Variants in COA1 observed in about 807,000 individuals in gnomAD.
The protein encoded by COA1 is cytochrome c oxidase assembly factor 1.
Under a neutral mutation model 16.0 loss-of-function variants are expected in COA1, and 13 were observed. That is an observed-to-expected ratio of 0.81 (90% CI 0.53 to 1.29). The LOEUF (loss-of-function observed/expected upper bound fraction) is 1.29, where lower values mean the gene tolerates loss of function less well. Ranked by LOEUF, COA1 falls within the 50% of genes most tolerant of loss-of-function variation. The pLI is 0.00. For synonymous variants in COA1, 65 were observed against 65.7 expected (o/e 0.99, Z 0.05); for missense variants, 179 against 177.0 (o/e 1.01, Z -0.06).
intron 1 of COA1, among the ~76,000 whole-genome samples, chr7:43,656,832 A>C (rs1422859453): frequency 6.6e-6 from 1 of 152,164 alleles, no homozygotes; most frequent in Non-Finnish European, 1.5e-5. Context: ...AAAGAAAAGA[A>C]AAGAAAAGAA....
At chr7:43,646,457 A>T (rs2089323265) in intron 3 of COA1, 1 of 423,878 alleles carries the variant, frequency 2.4e-6, no homozygotes, top group South Asian at 1.6e-5. Flanking sequence ...AAGGTAACTA[A>T]TGCCCAGAAA....
chr7:43,716,620 A>T (rs185590397), intron 1 of COA1, among the ~76,000 whole-genome samples: 2 of 152,362 alleles, frequency 1.3e-5, no homozygotes, highest in Admixed American at 1.3e-4. Flanking sequence ...GTGATAGGAA[A>T]GAAAAGCCCA....
chr7:43,612,034 G>A (rs1239794842), intron 6 of COA1, among the ~76,000 whole-genome samples: 1 of 152,172 alleles, frequency 6.6e-6, no homozygotes, highest in Non-Finnish European at 1.5e-5. Flanking sequence ...ATTTACACAA[G>A]GAAATTATAT....
intron 6 of COA1, among the ~76,000 whole-genome samples, chr7:43,633,623 CAA>C (rs906913272): frequency 4.0e-4 from 61 of 152,098 alleles, no homozygotes; most frequent in African/African-American, 1.4e-3. Flanking sequence ...GACACAGACA[CAA>C]AGTGAGCACA....
intron 1 of COA1, among the ~76,000 whole-genome samples, chr7:43,694,000 T>C (rs1335010361): frequency 6.6e-6 from 1 of 151,674 alleles, no homozygotes; most frequent in East Asian, 1.9e-4. Context: ...GCTCAGCAGA[T>C]GATCTTGCTT....
At chr7:43,647,372 G>A in intron 3 of COA1, 163 bp downstream of exon 3, 1 of 628,860 alleles carries the variant, frequency 1.6e-6, no homozygotes, top group South Asian at 1.9e-5. Context: ...GAGATTACAG[G>A]ATACAGAGGA....
chr7:43,659,260 T>C (rs1290773259), intron 1 of COA1: 3 of 152,234 alleles, frequency 2.0e-5, no homozygotes, highest in Non-Finnish European at 4.4e-5. Flanking sequence ...GAGTGATTTC[T>C]GAATTTATCA....
chr7:43,631,724 C>T (rs942408391), intron 6 of COA1: 1 of 152,192 alleles, frequency 6.6e-6, no homozygotes, highest in African/African-American at 2.4e-5. Context: ...TTGGGTTTCA[C>T]TCAGCTTCTT....
intron 1 of COA1, among the ~76,000 whole-genome samples, chr7:43,650,965 G>C (rs1362120075): frequency 6.6e-6 from 1 of 152,114 alleles, no homozygotes; most frequent in African/African-American, 2.4e-5. Flanking sequence ...GCAGGAAATG[G>C]GTTCAGGGGT....
At chr7:43,637,427 C>G (rs1490268400), downstream of COA1, among the ~76,000 whole-genome samples, 2 of 152,168 alleles carry the variant, frequency 1.3e-5, no homozygotes, top group Non-Finnish European at 2.9e-5. Flanking sequence ...ACCCCTTTCT[C>G]TGGTCTCTGG....
At chr7:43,661,993 T>G (rs2092477071) in intron 1 of COA1, among the ~76,000 whole-genome samples, 2 of 152,226 alleles carry the variant, frequency 1.3e-5, no homozygotes, top group Admixed American at 1.3e-4. Context: ...CAAGGCATGG[T>G]ATTTCAAAAT....
At position 43,630,990 on chromosome 7, in the gene COA1, G is replaced by A. The variant is rs2085120931; in HGVS notation, c.*133+8459C>T. ...CCACTACCAATTTAGAAAACTCAAG[G>A]AGGAAAGTCTATTGTATTTACCCAT... On this transcript the variant is annotated intron_variant and NMD_transcript_variant, in intron 6 of 6. Transcript: ENST00000415076. Among the ~76,000 whole-genome samples, 11 of 152,194 alleles carry A rather than the reference G, an allele frequency of 7.2e-5. 1 individual carries two copies. The South Asian group carries it at 2.3e-3, about 32-fold the overall frequency.
chr7:43,714,561 A>T (rs1028986174), intron 1 of COA1, among the ~76,000 whole-genome samples: 1 of 151,704 alleles, frequency 6.6e-6, no homozygotes, highest in Non-Finnish European at 1.5e-5. Context: ...CCCGGGAGGC[A>T]GAGGTTGCAG....
intron 1 of COA1, among the ~76,000 whole-genome samples, chr7:43,707,087 T>C (rs953134225): frequency 6.6e-5 from 10 of 151,726 alleles, no homozygotes; most frequent in Non-Finnish European, 1.3e-4. Context: ...GGCAGGAGAA[T>C]TTCTTGAACC....
At chr7:43,683,760 CTAT>C (rs200879742) in intron 1 of COA1, among the ~76,000 whole-genome samples, 3,509 of 152,184 alleles carry the variant, frequency 0.023, 60 homozygotes, top group Middle Eastern at 0.034. Flanking sequence ...TGAAGAAGTA[CTAT>C]TATTATCACC....
At chr7:43,707,995 T>G (rs1202237240) in intron 1 of COA1, among the ~76,000 whole-genome samples, 1 of 152,152 alleles carries the variant, frequency 6.6e-6, no homozygotes, top group Non-Finnish European at 1.5e-5. Context: ...ATGCCTATAA[T>G]CCTAACACTT....
At position 43,644,817 on chromosome 7, in the gene COA1, G is replaced by GAGAGAGACAGAGAGAGAGAGAC. The variant is rs2088708073; in HGVS notation, c.264+433_264+434insGTCTCTCTCTCTCTGTCTCTCT. On this transcript the variant is annotated intron_variant, in intron 4 of 5. Transcript: ENST00000223336. The stretch of plus-strand genomic sequence containing the variant: ...AGAGAGACAGAGAGAGAGAGAGAGA[G>GAGAGAGACAGAGAGAGAGAGAC]AGAGAGAGAGAGAGAGACAGGGTCT... 2.4e-5 allele frequency among the ~76,000 whole-genome samples: 3 copies of GAGAGAGACAGAGAGAGAGAGAC among 126,614 alleles called. 1 individual carries two copies. Among genetic ancestry groups the GAGAGAGACAGAGAGAGAGAGAC allele is most frequent in the Non-Finnish European group, 1.9e-5 (1 of 52,168 alleles). The allele number at this position is 126,614 out of a possible 152,430, so 83.1% of individuals were successfully genotyped here. A position where few individuals can be genotyped will look rare whatever the true frequency, so the allele number is the denominator to read the frequency against.
chr7:43,726,416 T>C (rs2095618301), intron 1 of COA1, among the ~76,000 whole-genome samples: 1 of 152,154 alleles, frequency 6.6e-6, no homozygotes, highest in Non-Finnish European at 1.5e-5. Flanking sequence ...TACACAAAAA[T>C]GTAAAACAAT....
chr7:43,639,702 AG>A (rs1563208860), intron 5 of COA1, 21 bp from the exon 6 acceptor site: 2 of 1,581,138 alleles, frequency 1.3e-6, no homozygotes, highest in Non-Finnish European at 8.7e-7. Context: ...CCAAAAGTAT[AG>A]TATCTCTAAT....
Sources: gnomAD v4.1 joint callset for allele counts (sites outside exome capture counted in the v4.1 genomes callset) on GRCh38, gnomAD v4.1.1 for gene constraint, MANE v1.5 for transcripts, NCBI Gene and HGNC (gene_info 2026-07-23, HGNC 2026-07-21) for gene names.